SYT11: variants seen among roughly 807,000 people sequenced by gnomAD.
SYT11 encodes the protein synaptotagmin 11, also known as synaptotagmin-11.
A neutral mutation model predicts 30.4 loss-of-function variants in SYT11; 12 were observed. The ratio of observed to expected loss-of-function variants is 0.39; its 90% CI spans 0.25 to 0.64. SYT11 has a LOEUF of 0.64. Ranked by LOEUF, SYT11 falls within the 30% of genes least tolerant of loss-of-function variation. The probability of loss-of-function intolerance (pLI) is 0.45; values close to 1 mark genes in which losing one functional copy is unlikely to be tolerated. For missense variants in SYT11, 412 were observed against 552.0 expected, an observed-to-expected ratio of 0.75 and a Z score of 2.54; for synonymous variants, 204 against 216.0, an observed-to-expected ratio of 0.94 and a Z score of 0.49.
intron 1 of SYT11, among the ~76,000 whole-genome samples, chr1:155,864,964 G>C (rs1672645801): frequency 6.6e-6 from 1 of 152,030 alleles, no homozygotes; most frequent in African/African-American, 2.4e-5. Flanking sequence ...GCCTACCTCA[G>C]CCTCCCAAAG....
chr1:155,866,621 T>C (rs1198582239), intron 1 of SYT11, among the ~76,000 whole-genome samples: 2 of 152,174 alleles, frequency 1.3e-5, no homozygotes, highest in African/African-American at 4.8e-5. Flanking sequence ...TATATTTTTT[T>C]CTTACATGTG....
chr1:155,865,363 C>A (rs771976148), intron 1 of SYT11, among the ~76,000 whole-genome samples: 14 of 152,086 alleles, frequency 9.2e-5, no homozygotes, highest in Admixed American at 7.9e-4. Context: ...CGCGGTGGCT[C>A]ATGCCTGTAA....
chr1:155,868,545 C>A lies in SYT11; in HGVS notation c.615C>A (p.Asp205Glu), dbSNP rs865986360. The A allele has an allele frequency of 5.6e-6, 9 of 1,614,078 alleles. No individual in the cohort carries two copies. The African/African-American group carries it at 1.2e-4, about 22-fold the overall frequency. Reference sequence around the variant, plus strand: ...ACATCAAAATGACCATCCTTCCTGACAAACGGCATCGGGTGAAGACCAGAG... The same window carrying A: ...ACATCAAAATGACCATCCTTCCTGAAAAACGGCATCGGGTGAAGACCAGAG... ...DPYIKMTILP[D>E]KRHRVKTRVL... Residue 205 changes from aspartate (D) to glutamate (E), a missense_variant, in exon 2 of 4, where the codon GAC becomes GAA. Physicochemically the swap from Asp to Glu is conservative, Grantham distance 45 (BLOSUM62 2). Coordinates refer to ENST00000368324, the MANE Select transcript of SYT11 (RefSeq NM_152280.5). The surrounding 1 kb of genome is among the most constrained non-coding windows in gnomAD (Gnocchi z 4.7).
intron 2 of SYT11, among the ~76,000 whole-genome samples, chr1:155,877,661 C>T (rs1422554736): frequency 6.6e-6 from 1 of 151,566 alleles, no homozygotes; most frequent in African/African-American, 2.4e-5. Context: ...TCACGCCATT[C>T]TCCTGCCGCA....
intron 2 of SYT11, among the ~76,000 whole-genome samples, chr1:155,873,830 G>C (rs1284371211): frequency 6.6e-6 from 1 of 152,160 alleles, no homozygotes; most frequent in Non-Finnish European, 1.5e-5. Context: ...GTATTGGATA[G>C]CTCAGTTCTG....
In SYT11 at chr1:155,868,862, G is replaced by A; in HGVS notation, c.861+71G>A. ...AAAATATCTCAGGGGATAAATGGAA[G>A]TGGGAGGGGAGTGGGTTGGGTGGCA... On this transcript the variant is annotated intron_variant, in intron 2 of 3. Transcript: ENST00000368324. This position sits in a 1 kb window ranked among gnomAD's most constrained non-coding sequence, Gnocchi z 4.7. 6.9e-7 allele frequency: 1 copy of A among 1,448,374 alleles called. No homozygotes were observed. Among genetic ancestry groups the A allele is most frequent in the Non-Finnish European group, 9.4e-7 (1 of 1,066,160 alleles). The allele number at this position is 1,448,374 out of a possible 1,614,324, so 89.7% of individuals were successfully genotyped here. A position where few individuals can be genotyped will look rare whatever the true frequency, so the allele number is the denominator to read the frequency against.
At chr1:155,875,843 A>G (rs966537248) in intron 2 of SYT11, among the ~76,000 whole-genome samples, 8 of 152,212 alleles carry the variant, frequency 5.3e-5, no homozygotes, top group African/African-American at 1.9e-4. Flanking sequence ...TCAAAGCACA[A>G]ACTATTAGGC....
chr1:155,864,197 G>C (rs1291963843), intron 1 of SYT11, among the ~76,000 whole-genome samples: 1 of 152,070 alleles, frequency 6.6e-6, no homozygotes, highest in Non-Finnish European at 1.5e-5. Flanking sequence ...GTTGCAGTGG[G>C]CCAAGCTTGT....
chr1:155,876,235 CTTTTTTT>C (rs67952920), intron 2 of SYT11, among the ~76,000 whole-genome samples: 1 of 96,118 alleles, frequency 1.0e-5, no homozygotes, highest in Non-Finnish European at 1.9e-5. Context: ...ACTCACCTCC[CTTTTTTT>C]TTTTTTTTTT....
intron 2 of SYT11, among the ~76,000 whole-genome samples, chr1:155,873,170 G>A (rs892447868): frequency 6.6e-6 from 1 of 152,206 alleles, no homozygotes; most frequent in Non-Finnish European, 1.5e-5. Context: ...TCTCAGGCCT[G>A]TAATCCCAGC....
chr1:155,872,129 T>C (rs1263022832), intron 2 of SYT11, among the ~76,000 whole-genome samples: 2 of 152,016 alleles, frequency 1.3e-5, no homozygotes, highest in East Asian at 3.9e-4. Flanking sequence ...CCAGGCACAG[T>C]GGCTCACCCC....
rs893985979 is a variant in SYT11, at chr1:155,881,369, G to A, written c.1157G>A (p.Arg386His). The change falls in exon 4 of 4, where the codon CGC becomes CAC. Residue 386 changes from arginine to histidine, a missense_variant. Coordinates refer to ENST00000368324, the MANE Select transcript of SYT11 (RefSeq NM_152280.5). ...GAGTTCCTCGTTATCGACTTCGATC[G>A]CACCACCAAGAATGAGGTGGTGGGG... ...SIEFLVIDFD[R>H]TTKNEVVGRL... The A allele has an allele frequency of 7.4e-6, 12 of 1,614,064 alleles. No individual in the cohort carries two copies. Among genetic ancestry groups the A allele is most frequent in the African/African-American group, 1.3e-5 (1 of 74,996 alleles).
intron 2 of SYT11, among the ~76,000 whole-genome samples, chr1:155,872,994 G>T (rs1354989782): frequency 1.3e-5 from 2 of 152,188 alleles, no homozygotes; most frequent in Non-Finnish European, 2.9e-5. Flanking sequence ...AAAAAACTAG[G>T]AAAGAGGCAT....
chr1:155,881,484 G>A lies in SYT11; in HGVS notation c.1272G>A (p.Lys424=), dbSNP rs1349044927. 1 of 1,610,482 alleles carries A rather than the reference G, an allele frequency of 6.2e-7. No individual in the cohort carries two copies. The change falls in exon 4 of 4, where the codon AAG becomes AAA. Residue 424 remains lysine, a synonymous_variant. Transcript: ENST00000368324. ...AGAGCCCCCGCAAGCCTGTGGCCAA[G>A]TGGCACAGTCTGAGCGAGTACTAAT... The part of the protein sequence containing the change: ...VCESPRKPVA[K]WHSLSEY
intron 2 of SYT11, among the ~76,000 whole-genome samples, chr1:155,873,519 T>G (rs1021975263): frequency 1.3e-5 from 2 of 152,238 alleles, no homozygotes; most frequent in African/African-American, 4.8e-5. Context: ...TATTTAGTAT[T>G]TAGATACTCA....
chr1:155,878,882 A>T (rs544452284), intron 2 of SYT11, among the ~76,000 whole-genome samples: 8 of 151,330 alleles, frequency 5.3e-5, no homozygotes, highest in Non-Finnish European at 8.8e-5. Flanking sequence ...AAATAAAATT[A>T]AAAAATAAAT....
Position 155,859,718 on chromosome 1 carries a change from C to A in SYT11, c.-44C>A, listed in dbSNP as rs1162698134. The A allele has an allele frequency of 1.9e-6, 3 of 1,605,036 alleles. No individual in the cohort carries two copies. On this transcript the variant is annotated 5_prime_UTR_variant, in exon 1 of 4. Transcript: ENST00000368324. Reference sequence around the variant, plus strand: ...ACTGACCGAGGGTTCCCAGAGCTGTCTCACCATTGCAAAAACGTTATAGCA... The same window carrying A: ...ACTGACCGAGGGTTCCCAGAGCTGTATCACCATTGCAAAAACGTTATAGCA...
At chr1:155,865,569 G>A (rs1038590055) in intron 1 of SYT11, among the ~76,000 whole-genome samples, 3 of 151,702 alleles carry the variant, frequency 2.0e-5, no homozygotes, top group Admixed American at 6.6e-5. Context: ...CGGAGGTTGC[G>A]GTGAGCCGTG....
chr1:155,864,792 C>T (rs1485902156), intron 1 of SYT11, among the ~76,000 whole-genome samples: 1 of 150,568 alleles, frequency 6.6e-6, no homozygotes, highest in Non-Finnish European at 1.5e-5. Flanking sequence ...CTCACTGCAG[C>T]CTCCGCCTCC....
Sources: allele counts gnomAD v4.1 joint callset (sites outside exome capture counted in the v4.1 genomes callset), GRCh38; gene constraint gnomAD v4.1.1; non-coding constraint Gnocchi (gnomAD v3.1); transcripts MANE v1.5; gene names NCBI Gene and HGNC (gene_info 2026-07-23, HGNC 2026-07-21).